The following PHF21B variants were observed in gnomAD, a reference collection of about 807,000 sequenced individuals.
PHF21B encodes the protein PHD finger protein 21B.
PHF21B carries 22 observed loss-of-function variants against 62.2 expected under a neutral mutation model. That is an observed-to-expected ratio of 0.35 (90% CI 0.25 to 0.51). The LOEUF (loss-of-function observed/expected upper bound fraction) is 0.51. PHF21B is among the 20% of genes least tolerant of loss of function. The pLI, the probability that PHF21B is intolerant of heterozygous loss-of-function variation, is 0.97. For synonymous variants in PHF21B, 341 were observed against 314.7 expected (o/e 1.08, Z -0.88); for missense variants, 701 against 707.9 (o/e 0.99, Z 0.11).
chr22:44,958,801 GA>G (rs2072357211), intron 2 of PHF21B, among the ~76,000 whole-genome samples: 1 of 151,708 alleles, frequency 6.6e-6, no homozygotes, highest in Non-Finnish European at 1.5e-5. Context: ...GTATTTTGTA[GA>G]GACAGGGTTT....
intron 2 of PHF21B, among the ~76,000 whole-genome samples, chr22:44,983,993 G>C (rs1177521112): frequency 6.6e-6 from 1 of 151,254 alleles, no homozygotes; most frequent in Non-Finnish European, 1.5e-5. Flanking sequence ...ATCTTTCCCA[G>C]AGGTTAGCAA....
chr22:44,927,253 G>A (rs1466842570), intron 2 of PHF21B, among the ~76,000 whole-genome samples: 1 of 151,622 alleles, frequency 6.6e-6, no homozygotes, highest in African/African-American at 2.4e-5. Flanking sequence ...CAGGAGGCCG[G>A]CAACAAACAG....
chr22:44,939,744 G>A (rs971860900), intron 2 of PHF21B, among the ~76,000 whole-genome samples: 2 of 152,156 alleles, frequency 1.3e-5, no homozygotes, highest in Non-Finnish European at 2.9e-5. Flanking sequence ...AGGCAGCAAA[G>A]GCCACCTGCA....
chr22:44,937,915 C>T (rs1358200980), intron 2 of PHF21B, among the ~76,000 whole-genome samples: 1 of 152,222 alleles, frequency 6.6e-6, no homozygotes, highest in Non-Finnish European at 1.5e-5. Flanking sequence ...GGGTGCTCTG[C>T]GGGACGCATC....
intron 2 of PHF21B, chr22:44,989,503 G>A (rs980932143): frequency 1.3e-5 from 2 of 151,724 alleles, no homozygotes; most frequent in African/African-American, 4.9e-5. Context: ...TGAGGAACGA[G>A]GAAATCAGTC....
At chr22:44,930,011 G>A (rs2071709307) in intron 2 of PHF21B, among the ~76,000 whole-genome samples, 1 of 152,230 alleles carries the variant, frequency 6.6e-6, no homozygotes, top group Non-Finnish European at 1.5e-5. Context: ...GAACCAGAAA[G>A]TTCTCATACA....
At chr22:44,909,123 A>C (rs2071302500) in intron 5 of PHF21B, among the ~76,000 whole-genome samples, 2 of 152,194 alleles carry the variant, frequency 1.3e-5, no homozygotes, top group African/African-American at 2.4e-5. Context: ...AATAAACTTT[A>C]ATAAGGATTT....
At chr22:44,907,345 A>G (rs186054010) in intron 5 of PHF21B, among the ~76,000 whole-genome samples, 13 of 152,374 alleles carry the variant, frequency 8.5e-5, no homozygotes, top group Non-Finnish European at 1.8e-4. Context: ...AGTTGCAGCT[A>G]CAACCTTGGG....
chr22:44,908,090 T>C (rs1202895062), intron 5 of PHF21B, among the ~76,000 whole-genome samples: 1 of 152,186 alleles, frequency 6.6e-6, no homozygotes, highest in Non-Finnish European at 1.5e-5. Context: ...TCGGGCAGCC[T>C]CTTCACGACT....
At chr22:45,002,543 C>T (rs982488105) in intron 2 of PHF21B, among the ~76,000 whole-genome samples, 4 of 152,242 alleles carry the variant, frequency 2.6e-5, no homozygotes, top group Non-Finnish European at 5.9e-5. Context: ...GCACCAGCCT[C>T]GCGCTCCCCA....
chr22:45,007,786 G>A (rs1402915431), intron 2 of PHF21B, among the ~76,000 whole-genome samples: 1 of 150,324 alleles, frequency 6.7e-6, no homozygotes, highest in East Asian at 2.0e-4. Context: ...GGAGCCAGGG[G>A]GCGGGGGCGC....
chr22:44,998,766 T>C (rs1290322344), intron 2 of PHF21B, among the ~76,000 whole-genome samples: 2 of 152,186 alleles, frequency 1.3e-5, no homozygotes, highest in African/African-American at 2.4e-5. Flanking sequence ...GTTTCTTGTA[T>C]TATTGTTAAT....
chr22:44,968,760 A>C (rs999707516), intron 2 of PHF21B, among the ~76,000 whole-genome samples: 8 of 152,178 alleles, frequency 5.3e-5, no homozygotes, highest in Non-Finnish European at 1.2e-4. Flanking sequence ...CCCAAAATCC[A>C]AAATCCAAAA....
In PHF21B at chr22:45,009,759, G is replaced by T. The variant is rs1429979671; in HGVS notation, c.-210C>A. The T allele has an allele frequency of 4.9e-6, 2 of 407,096 alleles. No individual in the cohort carries two copies. Among genetic ancestry groups the T allele is most frequent in the Non-Finnish European group, 8.7e-6 (2 of 229,254 alleles). 25.2% of individuals were successfully genotyped at this position (407,096 alleles called of 1,614,324 possible). A position where few individuals can be genotyped will look rare whatever the true frequency, so the allele number is the denominator to read the frequency against. ...GCGCCGCGGCGCCGAGCCCTCGGCT[G>T]CCCCAACTCCTCAGGCTGCCCGGCA... On this transcript the variant is annotated 5_prime_UTR_variant, in exon 1 of 13. Transcript: ENST00000313237. This position sits in a 1 kb window ranked among gnomAD's most constrained non-coding sequence, Gnocchi z 5.9.
intron 2 of PHF21B, among the ~76,000 whole-genome samples, chr22:44,926,225 T>C (rs185114349): frequency 5.2e-4 from 78 of 151,048 alleles, no homozygotes; most frequent in African/African-American, 1.9e-3. Context: ...CCACACGGCA[T>C]GTGGGTTCCT....
chr22:45,009,717 G>A lies in PHF21B; in HGVS notation c.-168C>T, dbSNP rs2073390454. ...CGAAAGGGAAGGGGGCTGGCGAAGG[G>A]GAAGACAGGCTTCCGGGCGCCGCGG... On this transcript the variant is annotated 5_prime_UTR_variant, in exon 1 of 13. Transcript: ENST00000313237. This position sits in a 1 kb window ranked among gnomAD's most constrained non-coding sequence, Gnocchi z 5.9. 1.8e-6 allele frequency: 1 copy of A among 570,000 alleles called. No homozygotes were observed. Among genetic ancestry groups the A allele is most frequent in the Non-Finnish European group, 2.8e-6 (1 of 352,936 alleles). The allele number at this position is 570,000 out of a possible 1,614,324, so 35.3% of individuals were successfully genotyped here. A position where few individuals can be genotyped will look rare whatever the true frequency, so the allele number is the denominator to read the frequency against.
chr22:44,957,558 G>A (rs1569253983), intron 2 of PHF21B, among the ~76,000 whole-genome samples: 1 of 152,092 alleles, frequency 6.6e-6, no homozygotes, highest in Non-Finnish European at 1.5e-5. Context: ...TTCTTCTACC[G>A]CTGCTTTTTT....
At chr22:44,948,689 T>TG (rs1312396364) in intron 2 of PHF21B, among the ~76,000 whole-genome samples, 1 of 133,620 alleles carries the variant, frequency 7.5e-6, no homozygotes, top group African/African-American at 3.1e-5. Flanking sequence ...AGACTCTGTC[T>TG]GGAAAAAAAA....
chr22:44,962,590 G>A (rs528641796), intron 2 of PHF21B, among the ~76,000 whole-genome samples: 60 of 152,330 alleles, frequency 3.9e-4, no homozygotes, highest in Middle Eastern at 3.4e-3. Flanking sequence ...AGTCACAAAA[G>A]CGTAGTAAGT....
Sources: allele counts gnomAD v4.1 joint callset (sites outside exome capture counted in the v4.1 genomes callset), GRCh38; gene constraint gnomAD v4.1.1; non-coding constraint Gnocchi (gnomAD v3.1); transcripts MANE v1.5; gene names NCBI Gene and HGNC (gene_info 2026-07-23, HGNC 2026-07-21).